The following SEMA3F variants were observed in gnomAD, a reference collection of about 807,000 sequenced individuals.
SEMA3F encodes semaphorin 3F.
SEMA3F carries 30 observed loss-of-function variants against 98.5 expected under a neutral mutation model. The observed-to-expected ratio is 0.30, with a 90% CI of 0.23 to 0.41. The LOEUF is 0.41. Among genes scored for constraint, SEMA3F ranks in the 10% least tolerant of loss-of-function variants. The pLI is 1.00. For synonymous variants in SEMA3F, 380 were observed against 444.8 expected, an observed-to-expected ratio of 0.85 and a Z score of 1.83; for missense variants, 866 against 1,119.3, an observed-to-expected ratio of 0.77 and a Z score of 3.23.
Position 50,155,326 on chromosome 3 carries a change from G to A in SEMA3F, c.-287G>A, listed in dbSNP as rs998872795. 8 of 308,018 alleles carry A rather than the reference G, an allele frequency of 2.6e-5. No individual in the cohort carries two copies. Among genetic ancestry groups the A allele is most frequent in the African/African-American group, 1.8e-4 (8 of 45,166 alleles). The allele number at this position is 308,018 out of a possible 1,614,324, so 19.1% of individuals were successfully genotyped here. On this transcript the variant is annotated 5_prime_UTR_variant, in exon 1 of 19. Transcript: ENST00000002829. The surrounding 1 kb of genome is among the most constrained non-coding windows in gnomAD (Gnocchi z 4.9). ...CCCACCCCAGGGGAGGCGGCCCCGA[G>A]CGCCCCTGAGCCTTCCCATGGCCCG...
intron 2 of SEMA3F, among the ~76,000 whole-genome samples, chr3:50,165,874 G>A (rs906824696): frequency 1.3e-5 from 2 of 152,224 alleles, no homozygotes; most frequent in African/African-American, 4.8e-5. Flanking sequence ...CAACGAATGG[G>A]GTCTGGGCAG....
chr3:50,161,063 TAATA>T (rs1461150009), intron 2 of SEMA3F, among the ~76,000 whole-genome samples: 1 of 152,124 alleles, frequency 6.6e-6, no homozygotes, highest in Non-Finnish European at 1.5e-5. Flanking sequence ...CAGAGCAGAT[TAATA>T]AATCTTGAAG....
chr3:50,175,042 G>A (rs1404392818), intron 5 of SEMA3F, 54 bp from the exon 6 acceptor site: 38 of 1,286,650 alleles, frequency 3.0e-5, no homozygotes, highest in East Asian at 7.3e-5. Flanking sequence ...GCCCGAGCCC[G>A]CTCCCCCAGC....
intron 13 of SEMA3F, 48 bp downstream of exon 13, chr3:50,184,862 C>T (rs774080142): frequency 2.4e-5 from 35 of 1,440,748 alleles, no homozygotes; most frequent in Admixed American, 1.6e-4. Context: ...CCACCGGGTG[C>T]GGGGTGCAGA....
At chr3:50,186,093 C>A (rs1480722421) in intron 16 of SEMA3F, 47 bp downstream of exon 16, 4 of 1,572,256 alleles carry the variant, frequency 2.5e-6, no homozygotes, top group Non-Finnish European at 3.5e-6. Flanking sequence ...GTCCCAGGGC[C>A]CTATCCTAGG....
At chr3:50,167,368 G>A (rs1276629836) in intron 2 of SEMA3F, among the ~76,000 whole-genome samples, 3 of 152,218 alleles carry the variant, frequency 2.0e-5, no homozygotes, top group Non-Finnish European at 4.4e-5. Flanking sequence ...GTCCTTCGGG[G>A]ATGAGGCATG....
At chr3:50,185,390 A>T in intron 13 of SEMA3F, 53 bp from the exon 14 acceptor site, 4 of 1,403,196 alleles carry the variant, frequency 2.9e-6, no homozygotes, top group Admixed American at 1.8e-5. Context: ...TGAGGCTGGT[A>T]CCCCTTCCCC....
In SEMA3F at chr3:50,155,426, AT is replaced by A; in HGVS notation, c.-186del. 1 of 276,782 alleles carries A rather than the reference AT, an allele frequency of 3.6e-6. No homozygotes were observed. The highest frequency in any genetic ancestry group is 5.3e-5 in the Admixed American group (1 of 18,756). The allele number at this position is 276,782 out of a possible 1,614,324, so 17.1% of individuals were successfully genotyped here. On this transcript the variant is annotated 5_prime_UTR_variant, in exon 1 of 19. Transcript: ENST00000002829. This position sits in a 1 kb window ranked among gnomAD's most constrained non-coding sequence, Gnocchi z 4.9. The stretch of plus-strand genomic sequence containing the variant: ...CGGTTAAGCCGCGGCCGCGGCGCCG[AT>A]CCCGGCTGAGGCGCAGCGGCGAGAG...
rs1698130567 is a variant in SEMA3F, at chr3:50,159,683, C to G, written c.61C>G (p.Pro21Ala). 6.2e-7 allele frequency: 1 copy of G among 1,613,242 alleles called. No individual in the cohort carries two copies. The highest frequency in any genetic ancestry group is 8.5e-7 in the Non-Finnish European group (1 of 1,179,732). The change falls in exon 2 of 19, where the codon CCC becomes GCC. Residue 21 changes from proline (P) to alanine (A), a missense_variant. By Grantham distance (27) the Pro-to-Ala change is conservative. This residue lies in a region of SEMA3F where 247 missense variants were observed against 276.0 expected (regional missense o/e 0.89). Transcript: ENST00000002829. ...ACTGACCGGGGCCTGGCCATCCTTC[C>G]CCACCCAGGACCACCTCCCGGCCAC... ...SLLTGAWPSF[P>A]TQDHLPATPR...
At chr3:50,161,150 T>A (rs1162317538) in intron 2 of SEMA3F, among the ~76,000 whole-genome samples, 2 of 151,976 alleles carry the variant, frequency 1.3e-5, no homozygotes, top group African/African-American at 4.8e-5. Flanking sequence ...CCCCCGATAG[T>A]GGAAGGGAGG....
At chr3:50,178,830 T>C (rs1698913542) in intron 7 of SEMA3F, among the ~76,000 whole-genome samples, 1 of 17,496 alleles carries the variant, frequency 5.7e-5, no homozygotes, top group African/African-American at 1.5e-4. Context: ...ATTCTTTTTC[T>C]TTTTTTTTTT....
chr3:50,168,195 C>G (rs1475711280), intron 2 of SEMA3F, among the ~76,000 whole-genome samples: 4 of 151,880 alleles, frequency 2.6e-5, no homozygotes. Context: ...AGATGCTATG[C>G]GGGGGCAGAT....
At chr3:50,186,092 C>A in intron 16 of SEMA3F, 46 bp downstream of exon 16, 3 of 1,572,494 alleles carry the variant, frequency 1.9e-6, no homozygotes, top group South Asian at 1.1e-5. Context: ...AGTCCCAGGG[C>A]CCTATCCTAG....
chr3:50,174,187 C>T, intron 4 of SEMA3F, 44 bp from the exon 5 acceptor site: 1 of 1,613,572 alleles, frequency 6.2e-7, no homozygotes, highest in Non-Finnish European at 8.5e-7. Context: ...AGTGAGGGGG[C>T]AGGCCTGGCC....
intron 1 of SEMA3F, among the ~76,000 whole-genome samples, chr3:50,157,833 T>G (rs1412678067): frequency 6.6e-6 from 1 of 151,934 alleles, no homozygotes; most frequent in Non-Finnish European, 1.5e-5. Context: ...ACCATGAACA[T>G]GGATGAAGGA....
intron 2 of SEMA3F, among the ~76,000 whole-genome samples, chr3:50,162,672 G>A (rs1025636255): frequency 6.6e-6 from 1 of 152,188 alleles, no homozygotes; most frequent in Non-Finnish European, 1.5e-5. Context: ...TGAGGGCCCT[G>A]CCAGGCCCTT....
At chr3:50,179,761 TG>T (rs1698954659) in intron 7 of SEMA3F, among the ~76,000 whole-genome samples, 1 of 152,266 alleles carries the variant, frequency 6.6e-6, no homozygotes, top group Non-Finnish European at 1.5e-5. Context: ...GTTTATGTTT[TG>T]GAGATGGCTG....
chr3:50,187,027 C>T (rs1051796203), intron 18 of SEMA3F, among the ~76,000 whole-genome samples: 39 of 152,176 alleles, frequency 2.6e-4, no homozygotes, highest in African/African-American at 9.4e-4. Context: ...GAGTGAGCTC[C>T]AGTATGTGGA....
chr3:50,171,247 G>A (rs943794580), intron 2 of SEMA3F, among the ~76,000 whole-genome samples: 5 of 152,196 alleles, frequency 3.3e-5, no homozygotes, highest in African/African-American at 1.2e-4. Flanking sequence ...CATCCTCTGA[G>A]TGTTCTCTAC....
Sources: gnomAD v4.1 joint callset for allele counts (sites outside exome capture counted in the v4.1 genomes callset) on GRCh38, gnomAD v4.1.1 for gene constraint, gnomAD v4.1.1 regional missense constraint, Gnocchi (gnomAD v3.1) non-coding constraint, MANE v1.5 for transcripts, NCBI Gene and HGNC (gene_info 2026-07-23, HGNC 2026-07-21) for gene names.